PITPNC1: variants seen among roughly 807,000 people sequenced by gnomAD.
The protein encoded by PITPNC1 is cytoplasmic phosphatidylinositol transfer protein 1.
In PITPNC1, 18 loss-of-function variants were observed where a neutral mutation model predicts 44.7. The ratio of observed to expected loss-of-function variants is 0.40; its 90% CI spans 0.28 to 0.60. PITPNC1 has a LOEUF of 0.60. Ranked by LOEUF, PITPNC1 falls within the 20% of genes least tolerant of loss-of-function variation. The pLI is 0.39. For synonymous variants in PITPNC1, 141 were observed against 149.6 expected (o/e 0.94, Z 0.42); for missense variants, 290 against 418.4 (o/e 0.69, Z 2.68).
At chr17:67,473,539 G>T (rs1030114041) in intron 1 of PITPNC1, among the ~76,000 whole-genome samples, 1 of 151,924 alleles carries the variant, frequency 6.6e-6, no homozygotes, top group Non-Finnish European at 1.5e-5. Context: ...CACCGACCTC[G>T]TGATCTGCAC....
rs906155212 is a variant in PITPNC1 at position 67,676,633 on chromosome 17, A to G, written c.682+1091A>G. ...AAGTCACATTAAATTTGTTCTGAGT[A>G]TAACCTAGATTGCATTTTGGTCCTT... is the stretch of plus-strand genomic sequence containing the variant. On this transcript the variant is annotated intron_variant, in intron 8 of 8. Transcript: ENST00000581322. The surrounding 1 kb of genome is among the most constrained non-coding windows in gnomAD (Gnocchi z 4.0). Among the ~76,000 whole-genome samples, 1 of 152,136 alleles carries G rather than the reference A, an allele frequency of 6.6e-6. No homozygotes were observed. Among genetic ancestry groups the G allele is most frequent in the Non-Finnish European group, 1.5e-5 (1 of 68,030 alleles).
At chr17:67,483,959 C>A (rs1036610972) in intron 1 of PITPNC1, among the ~76,000 whole-genome samples, 1 of 141,764 alleles carries the variant, frequency 7.1e-6, no homozygotes, top group African/African-American at 2.7e-5. Flanking sequence ...GCTCTTGTTG[C>A]CCAGGCTGGA....
intron 1 of PITPNC1, among the ~76,000 whole-genome samples, chr17:67,448,585 C>T (rs184513765): frequency 6.1e-4 from 93 of 152,278 alleles, no homozygotes; most frequent in African/African-American, 2.1e-3. Flanking sequence ...TTCTCCGCTC[C>T]ACTGGACCAT....
intron 1 of PITPNC1, among the ~76,000 whole-genome samples, chr17:67,427,087 A>G (rs1436649587): frequency 5.3e-5 from 8 of 152,170 alleles, no homozygotes; most frequent in African/African-American, 1.9e-4. Flanking sequence ...AAAAGTCTCC[A>G]TGATTGGCCC....
intron 8 of PITPNC1, 89 bp downstream of exon 8, chr17:67,675,631 GACA>G: frequency 4.6e-6 from 4 of 861,940 alleles, no homozygotes; most frequent in Non-Finnish European, 8.0e-6. Context: ...TACCTAGAAG[GACA>G]ACAACAAAGG....
At chr17:67,455,689 G>A (rs2143960807) in intron 1 of PITPNC1, among the ~76,000 whole-genome samples, 1 of 151,982 alleles carries the variant, frequency 6.6e-6, no homozygotes. Context: ...TGATCCACCT[G>A]CCTCGGCCTT....
rs115141107 is a variant in PITPNC1, at chr17:67,657,057, G to A, written c.463-12451G>A. Among the ~76,000 whole-genome samples, 620 of 152,316 alleles carry A rather than the reference G, an allele frequency of 4.1e-3. 2 individuals carry two copies. The highest frequency in any genetic ancestry group is 0.013 in the African/African-American group (533 of 41,576). On this transcript the variant is annotated intron_variant, in intron 6 of 8. Transcript: ENST00000581322. The stretch of plus-strand genomic sequence containing the variant: ...GTCTTGGGAGGTGTTAAGGAGGACA[G>A]TGAGGAGGAGGGGGTAGAATGTGAA...
chr17:67,479,873 G>A (rs559336657), intron 1 of PITPNC1, among the ~76,000 whole-genome samples: 30 of 152,240 alleles, frequency 2.0e-4, no homozygotes, highest in African/African-American at 7.2e-4. Flanking sequence ...GTCTGCCTCA[G>A]TACTTTTCTT....
chr17:67,453,505 C>T (rs1416756896), intron 1 of PITPNC1, among the ~76,000 whole-genome samples: 3 of 152,080 alleles, frequency 2.0e-5, no homozygotes, highest in East Asian at 1.9e-4. Context: ...ATACCGTGAC[C>T]GCCTGCCACT....
chr17:67,664,278 T>C (rs2042390907), intron 6 of PITPNC1, among the ~76,000 whole-genome samples: 1 of 152,198 alleles, frequency 6.6e-6, no homozygotes, highest in African/African-American at 2.4e-5. Context: ...TTTCTTCCTA[T>C]GGCATAATAA....
At chr17:67,457,115 T>A (rs1427184566) in intron 1 of PITPNC1, 1 of 152,210 alleles carries the variant, frequency 6.6e-6, no homozygotes, top group Admixed American at 6.5e-5. Context: ...ACTTCACCCC[T>A]CCTTAGGCAG....
In PITPNC1 at chr17:67,421,629, C is replaced by T. The variant is rs369984913; in HGVS notation, c.48+43427C>T. 5.9e-5 allele frequency among the ~76,000 whole-genome samples: 9 copies of T among 152,208 alleles called. No individual in the cohort carries two copies. In the East Asian group the frequency reaches 9.7e-4, roughly 16 times the overall value. ...CATTTTTGTTATTCTAAAGTCTTCA[C>T]GGTGTGGTGTTGGGAAGGCTGGGTT... On this transcript the variant is annotated intron_variant, in intron 1 of 8. Coordinates refer to ENST00000581322, the MANE Select transcript of PITPNC1 (RefSeq NM_012417.4).
At chr17:67,649,384 G>A (rs780167173) in intron 6 of PITPNC1, among the ~76,000 whole-genome samples, 23 of 152,324 alleles carry the variant, frequency 1.5e-4, no homozygotes, top group Middle Eastern at 6.8e-3. Flanking sequence ...ATAGCACGGG[G>A]GCATCCCCTT....
intron 4 of PITPNC1, among the ~76,000 whole-genome samples, chr17:67,557,183 A>C (rs1254782333): frequency 1.3e-5 from 2 of 152,072 alleles, no homozygotes; most frequent in African/African-American, 4.8e-5. Flanking sequence ...TCTTCTTGCT[A>C]TGCCCTCACA....
chr17:67,491,981 G>C (rs796389745), intron 1 of PITPNC1, among the ~76,000 whole-genome samples: 1 of 151,300 alleles, frequency 6.6e-6, no homozygotes, highest in South Asian at 2.1e-4. Flanking sequence ...CAGCAATCAC[G>C]AGCGGTCTTC....
chr17:67,403,062 C>G (rs1004100774), intron 1 of PITPNC1, among the ~76,000 whole-genome samples: 2 of 151,992 alleles, frequency 1.3e-5, no homozygotes, highest in Admixed American at 6.6e-5. Context: ...GTGTCTTTCT[C>G]TAAGTCACTG....
chr17:67,490,715 C>T (rs1568011507), intron 1 of PITPNC1, among the ~76,000 whole-genome samples: 1 of 152,142 alleles, frequency 6.6e-6, no homozygotes, highest in African/African-American at 2.4e-5. Context: ...GCAGGAATGT[C>T]GTCCCCAGGG....
At chr17:67,551,810 CCATTTT>C (rs1347523500) in intron 2 of PITPNC1, among the ~76,000 whole-genome samples, 1 of 152,168 alleles carries the variant, frequency 6.6e-6, no homozygotes, top group Non-Finnish European at 1.5e-5. Flanking sequence ...TTGGTTTTGT[CCATTTT>C]CAAAATGTCA....
Position 67,528,102 on chromosome 17 carries a change from C to T in PITPNC1, c.49-4700C>T, listed in dbSNP as rs144328116. ...TGTAGCCCAGGCTGGAGTGCAGTGG[C>T]GTGATGTCGGCTCACTGCAACCTCC... On this transcript the variant is annotated intron_variant, in intron 1 of 8. Coordinates refer to ENST00000581322, the MANE Select transcript of PITPNC1 (RefSeq NM_012417.4). Among the ~76,000 whole-genome samples the T allele has an allele frequency of 4.4e-3, 673 of 152,218 alleles. 3 individuals are homozygous for T. Among genetic ancestry groups the T allele is most frequent in the African/African-American group, 0.016 (652 of 41,540 alleles).
Sources: gnomAD v4.1 joint callset for allele counts (sites outside exome capture counted in the v4.1 genomes callset) on GRCh38, gnomAD v4.1.1 for gene constraint, Gnocchi (gnomAD v3.1) non-coding constraint, MANE v1.5 for transcripts, NCBI Gene and HGNC (gene_info 2026-07-23, HGNC 2026-07-21) for gene names.